TNIK: variants seen among roughly 807,000 people sequenced by gnomAD.
The protein encoded by TNIK is TRAF2 and NCK-interacting protein kinase.
TNIK carries 49 observed loss-of-function variants against 191.3 expected under a neutral mutation model. The ratio of observed to expected loss-of-function variants is 0.26; its 90% CI spans 0.20 to 0.32. TNIK has a LOEUF of 0.32. Ranked by LOEUF, TNIK falls within the 10% of genes least tolerant of loss-of-function variation. TNIK has a pLI of 1.00. For synonymous variants in TNIK, 594 were observed against 600.9 expected, an observed-to-expected ratio of 0.99 and a Z score of 0.17; for missense variants, 1,155 against 1,702.3, an observed-to-expected ratio of 0.68 and a Z score of 5.66.
intron 2 of TNIK, among the ~76,000 whole-genome samples, chr3:171,353,647 A>C (rs578131862): frequency 1.3e-5 from 2 of 152,312 alleles, no homozygotes; most frequent in South Asian, 2.1e-4. Flanking sequence ...AGGATTAAAA[A>C]AAATAAAGAG....
intron 1 of TNIK, among the ~76,000 whole-genome samples, chr3:171,415,533 A>T (rs1304769828): frequency 6.6e-6 from 1 of 152,190 alleles, no homozygotes; most frequent in Non-Finnish European, 1.5e-5. Flanking sequence ...CAAAAGAACA[A>T]AAACAAATCT....
At chr3:171,285,817 A>G (rs929860835) in intron 2 of TNIK, among the ~76,000 whole-genome samples, 1 of 152,236 alleles carries the variant, frequency 6.6e-6, no homozygotes, top group African/African-American at 2.4e-5. Flanking sequence ...TCGCCACAGA[A>G]CAACTGGATC....
At chr3:171,069,891 G>A (rs1192725042) in intron 29 of TNIK, among the ~76,000 whole-genome samples, 1 of 152,190 alleles carries the variant, frequency 6.6e-6, no homozygotes, top group Non-Finnish European at 1.5e-5. Context: ...CTAGCGTCCT[G>A]TCCTTGTCCT....
intron 28 of TNIK, among the ~76,000 whole-genome samples, chr3:171,074,757 A>C (rs959896208): frequency 6.6e-6 from 1 of 152,198 alleles, no homozygotes; most frequent in African/African-American, 2.4e-5. Flanking sequence ...ACATACTAGA[A>C]TACTCGTGCT....
chr3:171,085,127 A>C lies in TNIK; in HGVS notation c.2989T>G (p.Ser997Ala), dbSNP rs772533880. ...TDEDEEDEESSAAALFTSELL... is the reference protein window; with the variant it reads ...TDEDEEDEESAAAALFTSELL... ...GGCCCTTCTTGCTTACCTGCGGCTGATGATTCCTCATCCTCTTCATCTTCA... is the reference window on the plus strand; with the variant it reads ...GGCCCTTCTTGCTTACCTGCGGCTGCTGATTCCTCATCCTCTTCATCTTCA... The change falls in exon 25 of 33, where the codon TCA (serine) becomes GCA (alanine). Residue 997 changes from serine (S) to alanine (A), a missense_variant. Coordinates refer to ENST00000436636, the MANE Select transcript of TNIK (RefSeq NM_015028.4). The C allele has an allele frequency of 6.2e-7, 1 of 1,608,404 alleles. No individual in the cohort carries two copies. Among genetic ancestry groups the C allele is most frequent in the Admixed American group, 1.7e-5 (1 of 59,338 alleles).
rs568229124 is a variant in TNIK at position 171,423,420 on chromosome 3, T to C, written c.57+36587A>G. Among the ~76,000 whole-genome samples the C allele has an allele frequency of 3.5e-4, 53 of 152,242 alleles. No homozygotes were observed. The East Asian group carries it at 5.4e-3, about 16-fold the overall frequency. On this transcript the variant is annotated intron_variant, in intron 1 of 32. Transcript: ENST00000436636. ...TGGCCATACTGCCCAAGGTAATTTA[T>C]AGATTCAATGCCATCCCCATCAAGC...
At chr3:171,168,169 C>T (rs1217472213) in intron 9 of TNIK, among the ~76,000 whole-genome samples, 6 of 152,186 alleles carry the variant, frequency 3.9e-5, no homozygotes, top group Non-Finnish European at 1.5e-5. Flanking sequence ...ATGAGTTAAG[C>T]ACGCATGTTC....
At chr3:171,241,299 G>A (rs1000232661) in intron 2 of TNIK, among the ~76,000 whole-genome samples, 1 of 152,014 alleles carries the variant, frequency 6.6e-6, no homozygotes, top group Non-Finnish European at 1.5e-5. Context: ...CAAAGTGCTG[G>A]GATTACAGCA....
chr3:171,168,557 T>C (rs1442212424), intron 9 of TNIK, among the ~76,000 whole-genome samples: 5 of 152,232 alleles, frequency 3.3e-5, no homozygotes, highest in African/African-American at 1.2e-4. Context: ...TTATTCCATG[T>C]TTTTAAAGTA....
At chr3:171,204,041 A>G (rs893664650) in intron 4 of TNIK, among the ~76,000 whole-genome samples, 1 of 152,210 alleles carries the variant, frequency 6.6e-6, no homozygotes, top group Non-Finnish European at 1.5e-5. Context: ...TTTTTGAGAA[A>G]TTAGTTAATT....
chr3:171,438,640 AGT>A (rs767858183), intron 1 of TNIK, among the ~76,000 whole-genome samples: 20 of 152,372 alleles, frequency 1.3e-4, no homozygotes, highest in Non-Finnish European at 2.1e-4. Context: ...GGTGATAAAA[AGT>A]GTGAACAGAG....
chr3:171,241,717 G>T (rs577029873), intron 2 of TNIK, among the ~76,000 whole-genome samples: 1 of 152,316 alleles, frequency 6.6e-6, no homozygotes, highest in East Asian at 1.9e-4. Flanking sequence ...ACAGGTAGCA[G>T]TTAAGAATGA....
At chr3:171,413,586 G>A (rs778002697) in intron 1 of TNIK, among the ~76,000 whole-genome samples, 1 of 152,106 alleles carries the variant, frequency 6.6e-6, no homozygotes, top group Non-Finnish European at 1.5e-5. Context: ...TCCTCTTCCA[G>A]CAGACCTCCC....
At chr3:171,438,151 C>T (rs1726256126) in intron 1 of TNIK, among the ~76,000 whole-genome samples, 1 of 152,172 alleles carries the variant, frequency 6.6e-6, no homozygotes, top group Admixed American at 6.5e-5. Context: ...CTTAATGAAC[C>T]ACTTTAAAGT....
chr3:171,310,415 T>C (rs1031601552), intron 2 of TNIK, among the ~76,000 whole-genome samples: 5 of 152,050 alleles, frequency 3.3e-5, no homozygotes, highest in African/African-American at 9.7e-5. Context: ...AATTTTTCTT[T>C]CTCCTAAAAC....
intron 2 of TNIK, among the ~76,000 whole-genome samples, chr3:171,323,388 A>G (rs1755385465): frequency 1.3e-5 from 2 of 152,174 alleles, no homozygotes; most frequent in African/African-American, 4.8e-5. Flanking sequence ...AGAAAACTCT[A>G]TCAGGCTTAA....
At chr3:171,375,936 C>T (rs13084097) in intron 1 of TNIK, among the ~76,000 whole-genome samples, 36,194 of 152,112 alleles carry the variant, frequency 0.24, 4,866 homozygotes, top group Non-Finnish European at 0.3. Context: ...GCCACCAGTC[C>T]TCTGGCAGGG....
intron 23 of TNIK, among the ~76,000 whole-genome samples, chr3:171,092,183 C>T (rs1014948276): frequency 3.2e-4 from 49 of 152,024 alleles, no homozygotes; most frequent in Admixed American, 1.0e-3. Context: ...CTCCTGATCT[C>T]GTGATCCTCC....
At position 171,125,973 on chromosome 3, in the gene TNIK, G is replaced by T. The variant is rs766034070; in HGVS notation, c.1952C>A (p.Thr651Asn). 4 of 1,614,010 alleles carry T rather than the reference G, an allele frequency of 2.5e-6. No individual in the cohort carries two copies. Among genetic ancestry groups the T allele is most frequent in the Non-Finnish European group, 3.4e-6 (4 of 1,179,894 alleles). Residue 651 changes from threonine (T) to asparagine (N), a missense_variant, in exon 17 of 33, where the codon ACT (threonine) becomes AAT (asparagine). By Grantham distance (65) the Thr-to-Asn change is moderately conservative. This residue lies in a region of TNIK where 735 missense variants were observed against 848.0 expected (regional missense o/e 0.87). Transcript: ENST00000436636. ...DPTSENPPLPTRIEKFDRSSW... is the reference protein window; with the variant it reads ...DPTSENPPLPNRIEKFDRSSW... Reference sequence around the variant, plus strand: ...GCTTCGGTCAAACTTTTCAATGCGAGTGGGGAGAGGAGGATTTTCCGAGGT... The same window carrying T: ...GCTTCGGTCAAACTTTTCAATGCGATTGGGGAGAGGAGGATTTTCCGAGGT...
Sources: gnomAD v4.1 joint callset for allele counts (sites outside exome capture counted in the v4.1 genomes callset) on GRCh38, gnomAD v4.1.1 for gene constraint, gnomAD v4.1.1 regional missense constraint, MANE v1.5 for transcripts, NCBI Gene and HGNC (gene_info 2026-07-23, HGNC 2026-07-21) for gene names.